The following ARHGEF3 variants were observed in gnomAD, a reference collection of about 807,000 sequenced individuals.
The protein encoded by ARHGEF3 is Rho guanine nucleotide exchange factor 3.
Under a neutral mutation model 63.2 loss-of-function variants are expected in ARHGEF3, and 28 were observed. That is an observed-to-expected ratio of 0.44 (90% CI 0.33 to 0.61). ARHGEF3 has a LOEUF of 0.61. Ranked by LOEUF, ARHGEF3 falls within the 20% of genes least tolerant of loss-of-function variation. The probability of loss-of-function intolerance (pLI) is 0.03; values close to 1 mark genes in which losing one functional copy is unlikely to be tolerated. For missense variants in ARHGEF3, 533 were observed against 659.3 expected (o/e 0.81, Z 2.10); for synonymous variants, 266 against 254.2 (o/e 1.05, Z -0.44).
intron 2 of ARHGEF3, among the ~76,000 whole-genome samples, chr3:57,016,697 A>T (rs1040363596): frequency 1.3e-5 from 2 of 152,168 alleles, no homozygotes; most frequent in African/African-American, 4.8e-5. Context: ...TGCTAAGCAC[A>T]GTTGTCAATC....
At chr3:56,775,493 G>A in intron 1 of ARHGEF3, 2 of 997,320 alleles carry the variant, frequency 2.0e-6, no homozygotes, top group Non-Finnish European at 2.4e-6. Flanking sequence ...AGGCTGCTGG[G>A]TACCTCTCCA....
At position 56,751,280 on chromosome 3, in the gene ARHGEF3, T is replaced by A; in HGVS notation, c.535+20A>T. On this transcript the variant is annotated intron_variant, in intron 5 of 9. Transcript: ENST00000296315. Reference sequence around the variant, plus strand: ...AGTTAAGGCTACAAGTCACGACTCATCCTGGGAACAAAATTATACCTTCAT... The same window carrying A: ...AGTTAAGGCTACAAGTCACGACTCAACCTGGGAACAAAATTATACCTTCAT... 6.3e-7 allele frequency: 1 copy of A among 1,597,920 alleles called. No individual in the cohort carries two copies.
chr3:56,883,241 T>G (rs554069251), intron 3 of ARHGEF3, among the ~76,000 whole-genome samples: 172 of 152,294 alleles, frequency 1.1e-3, no homozygotes, highest in African/African-American at 3.8e-3. Context: ...GTATTTGAAA[T>G]AAATTTGTAC....
At chr3:56,909,804 G>A (rs1277930785) in intron 3 of ARHGEF3, among the ~76,000 whole-genome samples, 2 of 152,128 alleles carry the variant, frequency 1.3e-5, no homozygotes, top group Non-Finnish European at 2.9e-5. Flanking sequence ...TGTGGGTTCA[G>A]TAAGTAAATG....
At chr3:57,053,532 G>A (rs180830446) in intron 1 of ARHGEF3, among the ~76,000 whole-genome samples, 44 of 152,184 alleles carry the variant, frequency 2.9e-4, no homozygotes, top group African/African-American at 8.7e-4. Flanking sequence ...TCCATAAAAC[G>A]CATCAATCTT....
chr3:56,892,900 C>T (rs1443421238), intron 3 of ARHGEF3, among the ~76,000 whole-genome samples: 1 of 152,206 alleles, frequency 6.6e-6, no homozygotes, highest in Non-Finnish European at 1.5e-5. Flanking sequence ...AGGGAGAGCA[C>T]AGTGCAAAGC....
chr3:56,960,733 C>T (rs748837697), intron 2 of ARHGEF3: 3 of 152,190 alleles, frequency 2.0e-5, no homozygotes, highest in Non-Finnish European at 4.4e-5. Context: ...AATAAAAACC[C>T]AGGCTAATAA....
At chr3:56,940,908 C>T (rs1363938957) in intron 3 of ARHGEF3, 1 of 152,184 alleles carries the variant, frequency 6.6e-6, no homozygotes, top group East Asian at 1.9e-4. Flanking sequence ...ACCCGATGCT[C>T]TGAAATGTGT....
At chr3:56,827,944 C>CAAAAAAA (rs11462683) in intron 4 of ARHGEF3, among the ~76,000 whole-genome samples, 1 of 33,818 alleles carries the variant, frequency 3.0e-5, no homozygotes, top group African/African-American at 1.4e-4. Context: ...GATTCTGTCT[C>CAAAAAAA]AAAAAAAAAA....
chr3:56,859,183 G>C (rs1181886897), intron 4 of ARHGEF3, among the ~76,000 whole-genome samples: 1 of 152,136 alleles, frequency 6.6e-6, no homozygotes, highest in African/African-American at 2.4e-5. Flanking sequence ...TTTTGAGACG[G>C]ATGGAGTGTA....
intron 9 of ARHGEF3, among the ~76,000 whole-genome samples, chr3:56,730,046 C>T (rs918522018): frequency 2.0e-5 from 3 of 152,166 alleles, no homozygotes; most frequent in Non-Finnish European, 2.9e-5. Flanking sequence ...ATAGTGACGC[C>T]TTTTCTCAAA....
At chr3:56,807,579 C>T (rs985480808) in intron 4 of ARHGEF3, among the ~76,000 whole-genome samples, 1 of 152,162 alleles carries the variant, frequency 6.6e-6, no homozygotes, top group Non-Finnish European at 1.5e-5. Context: ...CACCTTTCCC[C>T]TCCCCTTCCA....
At chr3:56,883,022 A>G (rs535548776) in intron 3 of ARHGEF3, among the ~76,000 whole-genome samples, 3 of 152,324 alleles carry the variant, frequency 2.0e-5, no homozygotes, top group African/African-American at 7.2e-5. Flanking sequence ...AGGAGATTAG[A>G]TTGGAAAGAA....
At chr3:56,768,162 T>C (rs1176074009) in intron 2 of ARHGEF3, among the ~76,000 whole-genome samples, 1 of 152,148 alleles carries the variant, frequency 6.6e-6, no homozygotes, top group African/African-American at 2.4e-5. Context: ...GTTCAAGCAA[T>C]TCTGCCTGCC....
intron 3 of ARHGEF3, among the ~76,000 whole-genome samples, chr3:56,903,400 A>G (rs2041587632): frequency 6.6e-6 from 1 of 152,184 alleles, no homozygotes; most frequent in Non-Finnish European, 1.5e-5. Context: ...ACTTTTAGAG[A>G]GATACTCTAG....
At chr3:56,888,630 T>C (rs116183811) in intron 3 of ARHGEF3, among the ~76,000 whole-genome samples, 1 of 152,236 alleles carries the variant, frequency 6.6e-6, no homozygotes, top group South Asian at 2.1e-4. Context: ...GGGCCAGGCA[T>C]GGTGGCTCAC....
chr3:57,031,763 T>C (rs1703744768), intron 2 of ARHGEF3, among the ~76,000 whole-genome samples: 1 of 139,594 alleles, frequency 7.2e-6, no homozygotes, highest in African/African-American at 2.5e-5. Context: ...TGAGGCAGTT[T>C]TGGAAGAAGA....
At chr3:56,850,285 T>G (rs1405546440) in intron 4 of ARHGEF3, among the ~76,000 whole-genome samples, 1 of 152,226 alleles carries the variant, frequency 6.6e-6, no homozygotes, top group East Asian at 1.9e-4. Flanking sequence ...TCCCAGCACT[T>G]TGGGAGGCCA....
Position 56,909,080 on chromosome 3 carries a change from G to A in ARHGEF3, c.130-26726C>T, listed in dbSNP as rs150721152. On this transcript the variant is annotated intron_variant, in intron 3 of 12. Transcript: ENST00000338458. ...TGGCATACAAATACAGAAAAACACC[G>A]CTTCGCTTCTGGAGTAATTTCTTAA... Among the ~76,000 whole-genome samples the A allele has an allele frequency of 3.3e-3, 502 of 152,308 alleles. 4 individuals carry two copies. The highest frequency in any genetic ancestry group is 0.012 in the African/African-American group (481 of 41,560).
Sources: allele counts gnomAD v4.1 joint callset (sites outside exome capture counted in the v4.1 genomes callset), GRCh38; gene constraint gnomAD v4.1.1; transcripts MANE v1.5; gene names NCBI Gene and HGNC (gene_info 2026-07-23, HGNC 2026-07-21).